The following CC2D2A variants were observed in gnomAD, a reference collection of about 807,000 sequenced individuals.
The protein encoded by CC2D2A is coiled-coil and C2 domain containing 2A.
In CC2D2A, 155 loss-of-function variants were observed where a neutral mutation model predicts 212.9. The ratio of observed to expected loss-of-function variants is 0.73; its 90% CI spans 0.64 to 0.83. The LOEUF is 0.83. Among genes scored for constraint, CC2D2A ranks in the 40% least tolerant of loss-of-function variants. The probability of loss-of-function intolerance (pLI) is 0.00; values close to 1 mark genes in which losing one functional copy is unlikely to be tolerated. For missense variants in CC2D2A, 1,856 were observed against 1,956.2 expected, an observed-to-expected ratio of 0.95 and a Z score of 0.97; for synonymous variants, 667 against 686.5, an observed-to-expected ratio of 0.97 and a Z score of 0.44.
At chr4:15,585,578 A>C (rs1278509415) in intron 30 of CC2D2A, among the ~76,000 whole-genome samples, 1 of 152,226 alleles carries the variant, frequency 6.6e-6, no homozygotes, top group Non-Finnish European at 1.5e-5. Context: ...ACACAGTATG[A>C]TGAATACAGT....
At chr4:15,590,614 C>A (rs1721059795) in intron 33 of CC2D2A, among the ~76,000 whole-genome samples, 1 of 152,214 alleles carries the variant, frequency 6.6e-6, no homozygotes, top group Admixed American at 6.5e-5. Flanking sequence ...CTCACAGCTT[C>A]AGCTTCTTCG....
intron 11 of CC2D2A, among the ~76,000 whole-genome samples, chr4:15,517,678 C>T (rs1427423676): frequency 1.3e-5 from 2 of 152,170 alleles, no homozygotes; most frequent in Admixed American, 1.3e-4. Context: ...CATTACAGTT[C>T]CCTGCCCTCA....
At chr4:15,526,937 C>T (rs1347626855) in intron 11 of CC2D2A, among the ~76,000 whole-genome samples, 1 of 152,192 alleles carries the variant, frequency 6.6e-6, no homozygotes, top group South Asian at 2.1e-4. Flanking sequence ...CCCTCCTCCC[C>T]ATGAAGACTG....
At chr4:15,476,890 C>T (rs1045940370) in intron 2 of CC2D2A, among the ~76,000 whole-genome samples, 8 of 152,208 alleles carry the variant, frequency 5.3e-5, no homozygotes, top group African/African-American at 1.7e-4. Flanking sequence ...TTACTTCTCT[C>T]TCGCTTCAAG....
chr4:15,570,565 T>C, intron 28 of CC2D2A, 69 bp downstream of exon 28: 1 of 1,134,056 alleles, frequency 8.8e-7, no homozygotes. Context: ...ATTAAAACGT[T>C]CTTTGTGGGC....
chr4:15,568,481 T>C (rs927257482), intron 26 of CC2D2A, among the ~76,000 whole-genome samples: 2 of 152,114 alleles, frequency 1.3e-5, no homozygotes, highest in African/African-American at 4.8e-5. Flanking sequence ...CCCAGCTACT[T>C]GGAGGCTGAG....
At chr4:15,546,053 T>C (rs1424864671) in intron 17 of CC2D2A, among the ~76,000 whole-genome samples, 2 of 151,802 alleles carry the variant, frequency 1.3e-5, no homozygotes, top group African/African-American at 2.4e-5. Flanking sequence ...GAGGCTGCAA[T>C]GAGCCATGAT....
intron 17 of CC2D2A, among the ~76,000 whole-genome samples, chr4:15,544,579 C>T (rs899642396): frequency 6.6e-6 from 1 of 152,174 alleles, no homozygotes; most frequent in Non-Finnish European, 1.5e-5. Flanking sequence ...CCTGCAGGTG[C>T]CCAGCCATGC....
chr4:15,500,844 G>A (rs933733052), intron 4 of CC2D2A, among the ~76,000 whole-genome samples: 9 of 152,054 alleles, frequency 5.9e-5, no homozygotes, highest in Admixed American at 5.9e-4. Flanking sequence ...CAAGCGTGAG[G>A]ATCCTTCTCT....
chr4:15,532,411 ACAT>A (rs1165268248), intron 13 of CC2D2A, among the ~76,000 whole-genome samples: 1 of 152,172 alleles, frequency 6.6e-6, no homozygotes, highest in Admixed American at 6.5e-5. Flanking sequence ...GTGAAATGCT[ACAT>A]CCTTGGTTCC....
chr4:15,502,624 AT>A, intron 5 of CC2D2A, 107 bp downstream of exon 5: 1 of 1,105,406 alleles, frequency 9.0e-7, no homozygotes, highest in Non-Finnish European at 1.3e-6. Flanking sequence ...ATACCATTCA[AT>A]TTGTCTTTCA....
At chr4:15,491,252 T>C (rs73235013) in intron 4 of CC2D2A, among the ~76,000 whole-genome samples, 20,511 of 152,180 alleles carry the variant, frequency 0.13, 1,669 homozygotes, top group African/African-American at 0.23. Flanking sequence ...TCTTTTCCAA[T>C]ACTTGGTATT....
intron 1 of CC2D2A, among the ~76,000 whole-genome samples, chr4:15,475,641 T>C (rs989486672): frequency 6.6e-6 from 1 of 152,072 alleles, no homozygotes; most frequent in South Asian, 2.1e-4. Context: ...AGCTGTAAAA[T>C]GGTCCTTCTG....
chr4:15,563,239 A>T (rs1193929662), intron 23 of CC2D2A, 116 bp from the exon 24 acceptor site: 9 of 961,738 alleles, frequency 9.4e-6, no homozygotes, highest in Non-Finnish European at 1.2e-5. Context: ...CCTTCAAAGG[A>T]CAAGGAGTTT....
chr4:15,527,554 C>T lies in CC2D2A; in HGVS notation c.1257C>T (p.Pro419=). Residue 419 remains proline (P), a synonymous_variant, in exon 12 of 37, where the codon CCC becomes CCT. Transcript: ENST00000424120. ...CAGGGTTAATCTTCACTCATCATCC[C>T]TGTTTTAGCCGAGAGCATGTTTTGG... is the stretch of plus-strand genomic sequence containing the variant. ...DISGLIFTHH[P]CFSREHVLAA... 3.7e-6 allele frequency: 6 copies of T among 1,613,484 alleles called. No individual in the cohort carries two copies. Among genetic ancestry groups the T allele is most frequent in the Non-Finnish European group, 5.1e-6 (6 of 1,179,664 alleles).
intron 9 of CC2D2A, among the ~76,000 whole-genome samples, chr4:15,515,306 G>A (rs933425206): frequency 6.6e-6 from 1 of 152,244 alleles, no homozygotes; most frequent in Non-Finnish European, 1.5e-5. Flanking sequence ...CAGGGGCCTG[G>A]CCTGGATTCC....
chr4:15,487,988 T>C (rs1454367547), intron 4 of CC2D2A, among the ~76,000 whole-genome samples: 1 of 152,120 alleles, frequency 6.6e-6, no homozygotes, highest in Non-Finnish European at 1.5e-5. Flanking sequence ...TTGTTGTCTC[T>C]ACTTATATCT....
chr4:15,557,617 G>T, intron 21 of CC2D2A, 110 bp downstream of exon 21: 6 of 624,636 alleles, frequency 9.6e-6, no homozygotes, highest in East Asian at 3.0e-5. Flanking sequence ...TAGCAATAGC[G>T]GTTTCTCTTT....
intron 36 of CC2D2A, among the ~76,000 whole-genome samples, chr4:15,600,525 T>C (rs1185257886): frequency 1.3e-5 from 2 of 152,164 alleles, no homozygotes; most frequent in Admixed American, 6.5e-5. Context: ...CGTGCCATTA[T>C]TCCTAACAAG....
Sources: allele counts gnomAD v4.1 joint callset (sites outside exome capture counted in the v4.1 genomes callset), GRCh38; gene constraint gnomAD v4.1.1; transcripts MANE v1.5; gene names NCBI Gene and HGNC (gene_info 2026-07-23, HGNC 2026-07-21).